Variants in PRORP observed in about 807,000 individuals in gnomAD.
PRORP encodes the protein mitochondrial ribonuclease P catalytic subunit.
A neutral mutation model predicts 59.4 loss-of-function variants in PRORP; 51 were observed. The ratio of observed to expected loss-of-function variants is 0.86; its 90% CI spans 0.69 to 1.08. The LOEUF (loss-of-function observed/expected upper bound fraction) is 1.08, where lower values mean the gene tolerates loss of function less well. Ranked by LOEUF, PRORP falls within the 50% of genes least tolerant of loss-of-function variation. PRORP has a pLI of 0.00. For synonymous variants in PRORP, 231 were observed against 245.6 expected, an observed-to-expected ratio of 0.94 and a Z score of 0.55; for missense variants, 646 against 690.3, an observed-to-expected ratio of 0.94 and a Z score of 0.72.
In PRORP at chr14:35,123,410, T is replaced by C; in HGVS notation, c.165T>C (p.Asn55=). Reference sequence around the variant, plus strand: ...CTCTTAAAACAATGTCTCCACAGAATACCAAAGCAACGAATCTGATTGCCA... The same window carrying C: ...CTCTTAAAACAATGTCTCCACAGAACACCAAAGCAACGAATCTGATTGCCA... ...LFSLKTMSPQ[N]TKATNLIAKA... is the part of the protein sequence containing the mutation. The change falls in exon 2 of 8, where the codon AAT becomes AAC. Residue 55 remains asparagine (N), a synonymous_variant. Transcript: ENST00000534898. 1 of 1,614,206 alleles carries C rather than the reference T, an allele frequency of 6.2e-7. No individual in the cohort carries two copies. Among genetic ancestry groups the C allele is most frequent in the East Asian group, 2.2e-5 (1 of 44,888 alleles).
At chr14:35,187,710 G>A (rs985396027) in intron 5 of PRORP, among the ~76,000 whole-genome samples, 10 of 152,154 alleles carry the variant, frequency 6.6e-5, no homozygotes, top group African/African-American at 1.7e-4. Flanking sequence ...GATTACAGGC[G>A]TGAGCCACCG....
intron 2 of PRORP, 31 bp from the exon 3 acceptor site, chr14:35,126,704 C>T (rs1412913820): frequency 1.3e-6 from 2 of 1,557,690 alleles, no homozygotes; most frequent in African/African-American, 2.7e-5. Flanking sequence ...ATCTAACCTT[C>T]TCATGATTTG....
chr14:35,152,868 G>A (rs935296841), intron 4 of PRORP, among the ~76,000 whole-genome samples: 5 of 151,872 alleles, frequency 3.3e-5, no homozygotes, highest in East Asian at 3.9e-4. Context: ...TTTCCTAGAC[G>A]GGATGGCGGC....
intron 5 of PRORP, among the ~76,000 whole-genome samples, chr14:35,216,146 T>C (rs1014678293): frequency 7.8e-4 from 45 of 57,982 alleles, no homozygotes; most frequent in Middle Eastern, 7.6e-3. Context: ...ATTTATATAA[T>C]ACATTTATAT....
chr14:35,221,811 T>C (rs2049792709), intron 5 of PRORP, among the ~76,000 whole-genome samples: 1 of 152,230 alleles, frequency 6.6e-6, no homozygotes, highest in Non-Finnish European at 1.5e-5. Flanking sequence ...GTCATGTTTG[T>C]TTATCTTCAG....
At chr14:35,176,934 G>C (rs1449530559) in intron 4 of PRORP, among the ~76,000 whole-genome samples, 1 of 152,144 alleles carries the variant, frequency 6.6e-6, no homozygotes, top group African/African-American at 2.4e-5. Flanking sequence ...CTAATTTATT[G>C]AGAGTTTTTA....
rs576026067 is a variant in PRORP, at chr14:35,257,832, G to A, written c.1276-8895G>A. ...AGACTGCAGAGGAGGAGGTAAAAAG[G>A]TATAAGCACAGGGAAAGGAAGTTAA... On this transcript the variant is annotated intron_variant, in intron 5 of 7. Coordinates refer to ENST00000534898, the MANE Select transcript of PRORP (RefSeq NM_014672.4). 9.9e-5 allele frequency among the ~76,000 whole-genome samples: 15 copies of A among 152,266 alleles called. No homozygotes were observed. In the South Asian group the frequency reaches 3.1e-3, roughly 32 times the overall value.
chr14:35,136,043 G>A (rs1227482274), intron 4 of PRORP, among the ~76,000 whole-genome samples: 3 of 152,118 alleles, frequency 2.0e-5, no homozygotes, highest in Non-Finnish European at 4.4e-5. Context: ...GGAAAAAGGA[G>A]TTGAAAAGGA....
intron 5 of PRORP, among the ~76,000 whole-genome samples, chr14:35,217,566 T>C (rs902096054): frequency 1.3e-5 from 2 of 152,124 alleles, no homozygotes; most frequent in Admixed American, 6.5e-5. Context: ...TACATCTTTT[T>C]TTCTAGGAGT....
At chr14:35,222,167 T>C (rs1254834438) in intron 5 of PRORP, 3 of 152,068 alleles carry the variant, frequency 2.0e-5, no homozygotes, top group African/African-American at 7.2e-5. Context: ...ACAACAGAGA[T>C]TAAAGGATGC....
chr14:35,143,137 T>C (rs899566114), intron 4 of PRORP, among the ~76,000 whole-genome samples: 1 of 146,144 alleles, frequency 6.8e-6, no homozygotes, highest in African/African-American at 2.4e-5. Context: ...TTATTGAACA[T>C]TCTAGAGAGC....
chr14:35,223,555 G>A (rs1285047932), intron 5 of PRORP, among the ~76,000 whole-genome samples: 3 of 149,688 alleles, frequency 2.0e-5, no homozygotes, highest in Non-Finnish European at 2.9e-5. Context: ...TGCCTCCCAG[G>A]TTCAAGCAAT....
chr14:35,152,814 C>G (rs892986976), intron 4 of PRORP, among the ~76,000 whole-genome samples: 6 of 149,066 alleles, frequency 4.0e-5, no homozygotes, highest in African/African-American at 1.5e-4. Flanking sequence ...CAGAGGCGCT[C>G]CCCACATCTC....
intron 4 of PRORP, among the ~76,000 whole-genome samples, chr14:35,164,905 A>C (rs1440643555): frequency 6.6e-5 from 10 of 152,176 alleles, no homozygotes; most frequent in Non-Finnish European, 1.5e-4. Flanking sequence ...AGACCACATC[A>C]AAGAAAGTAG....
intron 4 of PRORP, among the ~76,000 whole-genome samples, chr14:35,144,678 A>G (rs2047563028): frequency 6.8e-6 from 1 of 145,992 alleles, no homozygotes; most frequent in Non-Finnish European, 1.5e-5. Context: ...CCCAAACTCT[A>G]CTGTACACTT....
At chr14:35,218,459 T>TTAAAAAAAAAAAAAAA (rs1555329355) in intron 5 of PRORP, among the ~76,000 whole-genome samples, 1 of 44,776 alleles carries the variant, frequency 2.2e-5, no homozygotes. Flanking sequence ...AGATCCTGTC[T>TTAAAAAAAAAAAAAAA]AAAAAAAGAA....
At chr14:35,185,537 A>G (rs372921344) in intron 5 of PRORP, among the ~76,000 whole-genome samples, 1 of 152,232 alleles carries the variant, frequency 6.6e-6, no homozygotes. Flanking sequence ...GCATTTTGAA[A>G]AGTTGCCACT....
At position 35,127,567 on chromosome 14, in the gene PRORP, G is replaced by A. The variant is rs772636370; in HGVS notation, c.1123G>A (p.Asp375Asn). The stretch of plus-strand genomic sequence containing the variant: ...ATGTCTTAAGGGAAAAATCATGAGG[G>A]ATGTGATAGATGGAGGTGACCAGTA... ...YECLKGKIMR[D>N]VIDGGDQYRK... Residue 375 changes from aspartate (D) to asparagine (N), a missense_variant, in exon 4 of 8, where the codon GAT becomes AAT. By Grantham distance (23) the Asp-to-Asn change is conservative. Transcript: ENST00000534898. 27 of 1,613,896 alleles carry A rather than the reference G, an allele frequency of 1.7e-5. No homozygotes were observed. The South Asian group carries it at 2.9e-4, about 17-fold the overall frequency.
At chr14:35,263,833 C>T (rs2050968576) in intron 5 of PRORP, among the ~76,000 whole-genome samples, 1 of 152,184 alleles carries the variant, frequency 6.6e-6, no homozygotes, top group Non-Finnish European at 1.5e-5. Flanking sequence ...ACCATTATTC[C>T]TAGCTTTGAA....
Sources: gnomAD v4.1 joint callset for allele counts (sites outside exome capture counted in the v4.1 genomes callset) on GRCh38, gnomAD v4.1.1 for gene constraint, MANE v1.5 for transcripts, NCBI Gene and HGNC (gene_info 2026-07-23, HGNC 2026-07-21) for gene names.